MAST2: variants seen among roughly 807,000 people sequenced by gnomAD.
The protein encoded by MAST2 is microtubule associated serine/threonine kinase 2.
MAST2 carries 70 observed loss-of-function variants against 147.4 expected under a neutral mutation model. The ratio of observed to expected loss-of-function variants is 0.47; its 90% CI spans 0.39 to 0.58. The LOEUF is 0.58. Among genes scored for constraint, MAST2 ranks in the 20% least tolerant of loss-of-function variants. The probability of loss-of-function intolerance (pLI) is 0.00; values close to 1 mark genes in which losing one functional copy is unlikely to be tolerated. For synonymous variants in MAST2, 869 were observed against 896.8 expected, an observed-to-expected ratio of 0.97 and a Z score of 0.55; for missense variants, 2,080 against 2,302.3, an observed-to-expected ratio of 0.90 and a Z score of 1.98.
intron 8 of MAST2, among the ~76,000 whole-genome samples, chr1:46,007,929 C>G (rs902557874): frequency 6.6e-6 from 1 of 152,080 alleles, no homozygotes; most frequent in African/African-American, 2.4e-5. Flanking sequence ...GTTTTGTTCC[C>G]AAGAATATGC....
intron 4 of MAST2, among the ~76,000 whole-genome samples, chr1:45,953,277 G>A (rs1249011967): frequency 1.3e-5 from 2 of 152,034 alleles, no homozygotes; most frequent in East Asian, 3.8e-4. Context: ...CAGACTTGGA[G>A]GAAAACTTTA....
In MAST2 at chr1:46,023,163, G is replaced by A. The variant is rs868417217; in HGVS notation, c.1486-70G>A. 2.1e-6 allele frequency: 3 copies of A among 1,422,296 alleles called. No homozygotes were observed. The highest frequency in any genetic ancestry group is 1.1e-5 in the South Asian group (1 of 87,152). The allele number at this position is 1,422,296 out of a possible 1,614,324, so 88.1% of individuals were successfully genotyped here. ...AGCTGACAGCTGAGAAGATGCTAGA[G>A]CCACAGCTTCTGCAAGGATATGGGC... On this transcript the variant is annotated intron_variant, in intron 13 of 28. Transcript: ENST00000361297. The surrounding 1 kb of genome is among the most constrained non-coding windows in gnomAD (Gnocchi z 4.9).
intron 3 of MAST2, among the ~76,000 whole-genome samples, chr1:45,859,817 CCT>C: frequency 6.6e-6 from 1 of 152,230 alleles, no homozygotes; most frequent in Admixed American, 6.5e-5. Flanking sequence ...GGCTGATAGT[CCT>C]CTCAATACTA....
chr1:45,914,944 GT>G (rs1442943601), intron 4 of MAST2, among the ~76,000 whole-genome samples: 3 of 152,128 alleles, frequency 2.0e-5, no homozygotes, highest in Admixed American at 6.5e-5. Flanking sequence ...AAAAATCATG[GT>G]TCTGTTTTTG....
chr1:45,937,658 A>G (rs1656458206), intron 4 of MAST2, among the ~76,000 whole-genome samples: 1 of 148,208 alleles, frequency 6.7e-6, no homozygotes, highest in Non-Finnish European at 1.5e-5. Context: ...AGGCTGAGTC[A>G]GGAAAATCAC....
At chr1:45,869,223 CATT>C (rs1349961231) in intron 3 of MAST2, among the ~76,000 whole-genome samples, 2 of 152,158 alleles carry the variant, frequency 1.3e-5, no homozygotes, top group African/African-American at 4.8e-5. Flanking sequence ...ATATTATAGT[CATT>C]ATGGGTAACT....
At chr1:45,847,239 T>C (rs1443296541) in intron 3 of MAST2, 1 of 521,116 alleles carries the variant, frequency 1.9e-6, no homozygotes, top group East Asian at 5.3e-5. Context: ...TTTATACTGC[T>C]GTCCCTCCCG....
chr1:45,874,446 A>G (rs1164645678), intron 3 of MAST2, among the ~76,000 whole-genome samples: 1 of 152,200 alleles, frequency 6.6e-6, no homozygotes, highest in East Asian at 1.9e-4. Flanking sequence ...CCATGGAGTA[A>G]CTACCAGCCA....
chr1:45,977,388 T>G (rs1644209870), intron 5 of MAST2, among the ~76,000 whole-genome samples: 1 of 152,010 alleles, frequency 6.6e-6, no homozygotes, highest in African/African-American at 2.4e-5. Flanking sequence ...CTCAGGAGGC[T>G]GAGGCAGGAG....
chr1:45,916,348 A>G (rs1276054912), intron 4 of MAST2, among the ~76,000 whole-genome samples: 2 of 152,212 alleles, frequency 1.3e-5, no homozygotes, highest in Admixed American at 6.5e-5. Context: ...CCATGCCAAT[A>G]AGGTAGCAAA....
At chr1:45,997,209 A>G (rs4073846) in intron 5 of MAST2, among the ~76,000 whole-genome samples, 67,858 of 152,020 alleles carry the variant, frequency 0.45, 15,338 homozygotes, top group East Asian at 0.63. Flanking sequence ...ATTACGAACT[A>G]TCTTAAGGTT....
chr1:45,934,631 G>T (rs914554447), intron 4 of MAST2, among the ~76,000 whole-genome samples: 2 of 152,190 alleles, frequency 1.3e-5, no homozygotes, highest in Non-Finnish European at 2.9e-5. Context: ...CACCATGTTG[G>T]CCAGGCTGGT....
At chr1:45,977,800 CAA>C (rs11441101) in intron 5 of MAST2, among the ~76,000 whole-genome samples, 2 of 132,904 alleles carry the variant, frequency 1.5e-5, no homozygotes. Context: ...ACTCTTGTCT[CAA>C]AAAAAAAAAA....
At chr1:45,948,706 C>CAAAAAAAAAAA (rs34012353) in intron 4 of MAST2, among the ~76,000 whole-genome samples, 5 of 40,256 alleles carry the variant, frequency 1.2e-4, no homozygotes, top group Admixed American at 4.8e-4. Context: ...GACTCCATCT[C>CAAAAAAAAAAA]AAAAAAAAAA....
chr1:45,819,991 C>G (rs1185138251), intron 1 of MAST2, among the ~76,000 whole-genome samples: 2 of 152,082 alleles, frequency 1.3e-5, no homozygotes, highest in Admixed American at 1.3e-4. Flanking sequence ...GACATAAAAA[C>G]AAACAGAGAC....
intron 3 of MAST2, among the ~76,000 whole-genome samples, chr1:45,877,459 A>G (rs1377317501): frequency 2.0e-5 from 3 of 152,140 alleles, no homozygotes; most frequent in African/African-American, 7.2e-5. Context: ...CACCTCCTAC[A>G]GGCCCCACCT....
chr1:46,032,059 G>A, intron 24 of MAST2, 119 bp from the exon 25 acceptor site: 1 of 779,470 alleles, frequency 1.3e-6, no homozygotes, highest in Non-Finnish European at 2.2e-6. Flanking sequence ...GGGCTGTGGG[G>A]AAAATGGACC....
rs1330893068 is a variant in MAST2, at chr1:46,031,661, C to T, written c.3187+76C>T. ...CTCTAGGCCTTGGGAGGGTTCTGCACGTGGCAGGTGTGTGTGTGTGTGTTA... is the reference window on the plus strand; with the variant it reads ...CTCTAGGCCTTGGGAGGGTTCTGCATGTGGCAGGTGTGTGTGTGTGTGTTA... On this transcript the variant is annotated intron_variant, in intron 24 of 28. Coordinates refer to ENST00000361297, the MANE Select transcript of MAST2 (RefSeq NM_015112.3). The surrounding 1 kb of genome is among the most constrained non-coding windows in gnomAD (Gnocchi z 4.1). 7.8e-6 allele frequency: 11 copies of T among 1,412,102 alleles called. No homozygotes were observed. Among genetic ancestry groups the T allele is most frequent in the Middle Eastern group, 1.8e-4 (1 of 5,590 alleles). The allele number at this position is 1,412,102 out of a possible 1,614,324, so 87.5% of individuals were successfully genotyped here.
Position 45,988,132 on chromosome 1 carries a change from C to A in MAST2, c.593-9592C>A, listed in dbSNP as rs1482475894. Among the ~76,000 whole-genome samples, 3 of 152,060 alleles carry A rather than the reference C, an allele frequency of 2.0e-5. No homozygotes were observed. In the East Asian group the frequency reaches 5.8e-4, roughly 29 times the overall value. The stretch of plus-strand genomic sequence containing the variant: ...GGCTTAAGCGATCCTCCTGCCTCAT[C>A]CTCCTAAGTAGCTGGGACCACAGTT... On this transcript the variant is annotated intron_variant, in intron 5 of 28. Coordinates refer to ENST00000361297, the MANE Select transcript of MAST2 (RefSeq NM_015112.3).
Sources: gnomAD v4.1 joint callset for allele counts (sites outside exome capture counted in the v4.1 genomes callset) on GRCh38, gnomAD v4.1.1 for gene constraint, Gnocchi (gnomAD v3.1) non-coding constraint, MANE v1.5 for transcripts, NCBI Gene and HGNC (gene_info 2026-07-23, HGNC 2026-07-21) for gene names.